THSD4: variants seen among roughly 807,000 people sequenced by gnomAD.
THSD4 encodes the protein thrombospondin type 1 domain containing 4, also known as thrombospondin type-1 domain-containing protein 4.
Under a neutral mutation model 119.0 loss-of-function variants are expected in THSD4, and 69 were observed. That is an observed-to-expected ratio of 0.58 (90% CI 0.48 to 0.71). The LOEUF is 0.71. Among genes scored for constraint, THSD4 ranks in the 30% least tolerant of loss-of-function variants. THSD4 has a pLI of 0.00. For synonymous variants in THSD4, 524 were observed against 540.4 expected, an observed-to-expected ratio of 0.97 and a Z score of 0.42; for missense variants, 1,393 against 1,391.1, an observed-to-expected ratio of 1.00 and a Z score of -0.02.
At chr15:71,532,279 A>AGT (rs1313296490) in intron 7 of THSD4, among the ~76,000 whole-genome samples, 3 of 119,916 alleles carry the variant, frequency 2.5e-5, no homozygotes, top group Admixed American at 1.7e-4. Flanking sequence ...AGAGAGAGAG[A>AGT]GAGAGTGTGT....
intron 3 of THSD4, among the ~76,000 whole-genome samples, chr15:71,173,808 C>T (rs2043409409): frequency 6.6e-6 from 1 of 151,990 alleles, no homozygotes; most frequent in Non-Finnish European, 1.5e-5. Context: ...GTGACACTGA[C>T]AGCCATGGAG....
intron 7 of THSD4, among the ~76,000 whole-genome samples, chr15:71,479,730 GA>G (rs551369545): frequency 1.3e-5 from 2 of 151,674 alleles, no homozygotes; most frequent in Non-Finnish European, 2.9e-5. Flanking sequence ...GAGAAGGTTT[GA>G]AAAAAAACTG....
chr15:71,557,851 T>G (rs564563772), intron 7 of THSD4, among the ~76,000 whole-genome samples: 1 of 152,318 alleles, frequency 6.6e-6, no homozygotes, highest in African/African-American at 2.4e-5. Flanking sequence ...TGTTCAATTG[T>G]GCCTTTTATT....
At chr15:71,713,067 C>T (rs2052545678) in intron 8 of THSD4, among the ~76,000 whole-genome samples, 1 of 152,098 alleles carries the variant, frequency 6.6e-6, no homozygotes, top group Admixed American at 6.5e-5. Flanking sequence ...ACGAGGTAGC[C>T]CAGGCTCCTC....
At chr15:71,340,805 G>T (rs896145689) in intron 6 of THSD4, among the ~76,000 whole-genome samples, 1 of 152,052 alleles carries the variant, frequency 6.6e-6, no homozygotes, top group Non-Finnish European at 1.5e-5. Flanking sequence ...TCGTCATGTT[G>T]ACCAGGGTAG....
At chr15:71,512,411 TG>T (rs2048296490) in intron 7 of THSD4, among the ~76,000 whole-genome samples, 1 of 152,208 alleles carries the variant, frequency 6.6e-6, no homozygotes, top group Non-Finnish European at 1.5e-5. Flanking sequence ...AGCGTTTTCC[TG>T]TGACCCCTGC....
intron 7 of THSD4, among the ~76,000 whole-genome samples, chr15:71,479,369 G>A (rs1209121730): frequency 6.6e-6 from 1 of 151,974 alleles, no homozygotes; most frequent in Non-Finnish European, 1.5e-5. Flanking sequence ...TTTTAATTGG[G>A]TAACCTTTCT....
chr15:71,226,716 C>T (rs1466857414), intron 4 of THSD4, among the ~76,000 whole-genome samples: 5 of 152,198 alleles, frequency 3.3e-5, no homozygotes, highest in South Asian at 4.1e-4. Flanking sequence ...ATTTCCTGAC[C>T]TTCAGTCAAT....
intron 3 of THSD4, chr15:71,183,134 A>G (rs1022506840): frequency 6.6e-6 from 1 of 151,834 alleles, no homozygotes; most frequent in South Asian, 2.1e-4. Flanking sequence ...AGGCCTCCCA[A>G]TCATGGCGGA....
chr15:71,474,824 T>A (rs1040169392), intron 7 of THSD4, among the ~76,000 whole-genome samples: 1 of 152,212 alleles, frequency 6.6e-6, no homozygotes, highest in Non-Finnish European at 1.5e-5. Context: ...GACCATCTCC[T>A]TCTGGATTCT....
intron 5 of THSD4, among the ~76,000 whole-genome samples, chr15:71,249,623 T>C (rs2044240264): frequency 6.6e-6 from 1 of 152,062 alleles, no homozygotes; most frequent in Admixed American, 6.6e-5. Flanking sequence ...CACACACACA[T>C]TTATATACAC....
At chr15:71,365,131 T>TTG (rs10690804) in intron 6 of THSD4, among the ~76,000 whole-genome samples, 42,101 of 135,748 alleles carry the variant, frequency 0.31, 6,598 homozygotes, top group East Asian at 0.46. Flanking sequence ...GCCCCCCCCA[T>TTG]TGTGTGTGTG....
At chr15:71,185,592 A>T (rs1358451826) in intron 3 of THSD4, 2 of 101,650 alleles carry the variant, frequency 2.0e-5, no homozygotes, top group Admixed American at 2.2e-4. Flanking sequence ...CAAATGAATT[A>T]TGTAGAATCT....
chr15:71,243,112 C>T lies in THSD4; in HGVS notation c.912+16C>T. The T allele has an allele frequency of 2.5e-6, 4 of 1,588,526 alleles. No individual in the cohort carries two copies. Among genetic ancestry groups the T allele is most frequent in the Non-Finnish European group, 3.4e-6 (4 of 1,167,382 alleles). ...CAACACCAACGTGAGTACACACAACCCATACCGGGCCTGGAAACAGCTGCC... is the reference window on the plus strand; with the variant it reads ...CAACACCAACGTGAGTACACACAACTCATACCGGGCCTGGAAACAGCTGCC... On this transcript the variant is annotated intron_variant, in intron 5 of 17. Transcript: ENST00000261862.
chr15:71,727,909 C>T (rs2141128053), intron 8 of THSD4, among the ~76,000 whole-genome samples: 1 of 146,848 alleles, frequency 6.8e-6, no homozygotes, highest in Non-Finnish European at 1.5e-5. Context: ...TGTTGGGGGG[C>T]AACAGGGAGG....
chr15:71,604,444 G>A (rs995350005), intron 7 of THSD4, among the ~76,000 whole-genome samples: 16 of 152,198 alleles, frequency 1.1e-4, no homozygotes, highest in African/African-American at 3.6e-4. Flanking sequence ...AAACCATATA[G>A]TTGGACTTAC....
chr15:71,425,512 T>C (rs2046856041), intron 7 of THSD4, among the ~76,000 whole-genome samples: 1 of 152,202 alleles, frequency 6.6e-6, no homozygotes. Context: ...GCCTATGGAA[T>C]AAAGTCCCAA....
intron 4 of THSD4, among the ~76,000 whole-genome samples, chr15:71,229,387 C>T (rs116994718): frequency 8.5e-5 from 13 of 152,196 alleles, no homozygotes; most frequent in Non-Finnish European, 1.6e-4. Flanking sequence ...TCCAGGACTC[C>T]CCTGCAGATA....
At chr15:71,299,192 C>T (rs529463233) in intron 6 of THSD4, among the ~76,000 whole-genome samples, 1 of 152,148 alleles carries the variant, frequency 6.6e-6, no homozygotes, top group South Asian at 2.1e-4. Flanking sequence ...AAACTTAAGC[C>T]ATTTGCAGTT....
Sources: allele counts gnomAD v4.1 joint callset (sites outside exome capture counted in the v4.1 genomes callset), GRCh38; gene constraint gnomAD v4.1.1; transcripts MANE v1.5; gene names NCBI Gene and HGNC (gene_info 2026-07-23, HGNC 2026-07-21).